Variants in SH3KBP1 observed in about 807,000 individuals in gnomAD.
SH3KBP1 encodes the protein SH3 domain-containing kinase-binding protein 1.
In SH3KBP1, 8 loss-of-function variants were observed where a neutral mutation model predicts 50.1. The ratio of observed to expected loss-of-function variants is 0.16; its 90% confidence interval spans 0.09 to 0.29. The LOEUF (loss-of-function observed/expected upper bound fraction) is 0.29. Among genes scored for constraint, SH3KBP1 ranks in the 10% least tolerant of loss-of-function variants. The pLI is 1.00. For missense variants in SH3KBP1, 377 were observed against 535.2 expected, an observed-to-expected ratio of 0.70 and a Z score of 2.92; for synonymous variants, 227 against 218.6, an observed-to-expected ratio of 1.04 and a Z score of -0.34.
intron 6 of SH3KBP1, among the ~76,000 whole-genome samples, chrX:19,668,955 TATATATATATATA>T (rs1271220078): frequency 3.7e-4 from 29 of 78,598 alleles, no homozygotes; most frequent in African/African-American, 9.2e-4. Context: ...TATATATATA[TATATATATATATA>T]TATATATTTT....
At chrX:19,544,134 G>C (rs1482327801) in intron 15 of SH3KBP1, among the ~76,000 whole-genome samples, 1 of 110,828 alleles carries the variant, frequency 9.0e-6, no homozygotes, top group Non-Finnish European at 1.9e-5. Context: ...GGCAGAGAAA[G>C]CCAAAAGCAG....
intron 12 of SH3KBP1, among the ~76,000 whole-genome samples, chrX:19,587,224 A>G (rs895752349): frequency 1.2e-4 from 13 of 104,228 alleles, no homozygotes; most frequent in Non-Finnish European, 1.8e-4. Context: ...CTCTGCCTCA[A>G]AAAAAAAAAA....
intron 1 of SH3KBP1, among the ~76,000 whole-genome samples, chrX:19,848,978 T>A (rs4825248): frequency 0.19 from 20,763 of 109,827 alleles, 1,919 homozygotes; most frequent in African/African-American, 0.33. Flanking sequence ...GCTTATTTTT[T>A]AAAGTTTTTG....
chrX:19,834,704 G>C (rs953549910), intron 2 of SH3KBP1, among the ~76,000 whole-genome samples: 8 of 111,722 alleles, frequency 7.2e-5, no homozygotes, highest in African/African-American at 9.8e-5. Flanking sequence ...TGGACATAAA[G>C]GGGTAAAGGA....
chrX:19,777,876 G>A (rs767849518), intron 2 of SH3KBP1, among the ~76,000 whole-genome samples: 11 of 111,269 alleles, frequency 9.9e-5, no homozygotes, highest in African/African-American at 2.0e-4. Context: ...TCCAGCAGTC[G>A]GTGTTTGAGC....
At chrX:19,710,837 G>A (rs985781552) in intron 3 of SH3KBP1, among the ~76,000 whole-genome samples, 7 of 110,722 alleles carry the variant, frequency 6.3e-5, no homozygotes, top group East Asian at 2.8e-4. Flanking sequence ...CACAATAGCC[G>A]ATCTAATGAT....
intron 1 of SH3KBP1, among the ~76,000 whole-genome samples, chrX:19,878,501 TGTGTGAGAGAGA>T (rs2069324230): frequency 2.5e-5 from 2 of 79,666 alleles, no homozygotes; most frequent in African/African-American, 1.6e-4. Flanking sequence ...TGTGTGTGTG[TGTGTGAGAGAGA>T]GAGAGAGAGA....
intron 3 of SH3KBP1, among the ~76,000 whole-genome samples, chrX:19,744,021 C>T (rs2148813929): frequency 8.9e-6 from 1 of 111,994 alleles, no homozygotes; most frequent in African/African-American, 3.2e-5. Flanking sequence ...CCATGTTAGC[C>T]AATCAAAGCA....
chrX:19,874,068 A>AAAAAAAT (rs1491537486), intron 1 of SH3KBP1, among the ~76,000 whole-genome samples: 1 of 57,035 alleles, frequency 1.8e-5, no homozygotes, highest in African/African-American at 1.6e-4. Flanking sequence ...AAAAAAAAAA[A>AAAAAAAT]ATATATATAT....
chrX:19,556,395 G>A (rs1311128428), intron 13 of SH3KBP1, among the ~76,000 whole-genome samples: 1 of 110,364 alleles, frequency 9.1e-6, no homozygotes, highest in Non-Finnish European at 1.9e-5. Flanking sequence ...TGAATGGGAG[G>A]AGGAAGTCTC....
intron 6 of SH3KBP1, among the ~76,000 whole-genome samples, chrX:19,654,295 A>G (rs2062214888): frequency 8.9e-6 from 1 of 111,791 alleles, no homozygotes; most frequent in Non-Finnish European, 1.9e-5. Context: ...AGGAGGGGTG[A>G]GACTGTCTCT....
At chrX:19,770,866 A>G (rs2065770959) in intron 2 of SH3KBP1, among the ~76,000 whole-genome samples, 1 of 111,183 alleles carries the variant, frequency 9.0e-6, no homozygotes, top group Non-Finnish European at 1.9e-5. Context: ...GTGTCTGTTC[A>G]TGTCCTTTGC....
intron 2 of SH3KBP1, among the ~76,000 whole-genome samples, chrX:19,821,602 C>T (rs1339335766): frequency 9.0e-6 from 1 of 110,499 alleles, no homozygotes; most frequent in Non-Finnish European, 1.9e-5. Context: ...GATCTCGGAT[C>T]ACTGCAAGCT....
chrX:19,622,270 C>T (rs1030334621), intron 8 of SH3KBP1, among the ~76,000 whole-genome samples: 3 of 111,813 alleles, frequency 2.7e-5, no homozygotes, highest in Non-Finnish European at 3.8e-5. Context: ...TTTTAAAATG[C>T]AGAATTAGCA....
rs183072918 is a variant in SH3KBP1 at position 19,754,692 on chromosome X, T to A, written c.163-8251A>T. Among the ~76,000 whole-genome samples, 10 of 111,263 alleles carry A rather than the reference T, an allele frequency of 9.0e-5. No individual in the cohort carries two copies. The East Asian group carries it at 2.8e-3, about 31-fold the overall frequency. ...CCATGTTGACCAGGCTGGTCTCGAA[T>A]TCCTGACCTCAAGTGATCAGAGGCA... On this transcript the variant is annotated intron_variant, in intron 2 of 17. Transcript: ENST00000397821.
At chrX:19,566,644 C>T (rs1419613556) in intron 13 of SH3KBP1, among the ~76,000 whole-genome samples, 1 of 111,710 alleles carries the variant, frequency 9.0e-6, no homozygotes, top group Non-Finnish European at 1.9e-5. Context: ...TCATTCACAG[C>T]CAATTACTGC....
In SH3KBP1 at chrX:19,875,259, G is replaced by A. The variant is rs142864147; in HGVS notation, c.4+12048C>T. 8.2e-3 allele frequency among the ~76,000 whole-genome samples: 916 copies of A among 111,490 alleles called. 12 individuals carry two copies. The highest frequency in any genetic ancestry group is 0.028 in the African/African-American group (863 of 30,569). On this transcript the variant is annotated intron_variant, in intron 1 of 17. Coordinates refer to ENST00000397821, the MANE Select transcript of SH3KBP1 (RefSeq NM_031892.3). ...GGCCGCCAACTCAATAGGTGACATG[G>A]AGCTTAGTCACACAGTTCAGGAGCT... is the stretch of plus-strand genomic sequence containing the variant.
At chrX:19,828,954 G>A (rs1267963516) in intron 2 of SH3KBP1, among the ~76,000 whole-genome samples, 4 of 110,719 alleles carry the variant, frequency 3.6e-5, no homozygotes, top group Non-Finnish European at 5.7e-5. Flanking sequence ...CTAGTGTGGC[G>A]CAAATGAGGC....
In SH3KBP1 at chrX:19,698,053, T is replaced by C. The variant is rs764431009; in HGVS notation, c.391-2312A>G. ...ATGCCAACTCAACTGACACATATTATTTTTTCAAGGAGCTTTTTATAGGCT... is the reference window on the plus strand; with the variant it reads ...ATGCCAACTCAACTGACACATATTACTTTTTCAAGGAGCTTTTTATAGGCT... On this transcript the variant is annotated intron_variant, in intron 4 of 17. Transcript: ENST00000397821. 1.8e-3 allele frequency among the ~76,000 whole-genome samples: 207 copies of C among 112,261 alleles called. 2 individuals are homozygous for C. Among genetic ancestry groups the C allele is most frequent in the African/African-American group, 6.4e-3 (199 of 30,879 alleles).
Sources: allele counts gnomAD v4.1 joint callset (sites outside exome capture counted in the v4.1 genomes callset), GRCh38; gene constraint gnomAD v4.1.1; transcripts MANE v1.5; gene names NCBI Gene and HGNC (gene_info 2026-07-23, HGNC 2026-07-21).